The following IQCM variants were observed in gnomAD, a reference collection of about 807,000 sequenced individuals.
IQCM encodes the protein IQ motif containing M.
Under a neutral mutation model 57.6 loss-of-function variants are expected in IQCM, and 45 were observed. The observed-to-expected ratio is 0.78, with a 90% CI of 0.62 to 1.00. The LOEUF (loss-of-function observed/expected upper bound fraction) is 1.00. IQCM is among the 50% of genes least tolerant of loss of function. IQCM has a pLI of 0.00. For missense variants in IQCM, 468 were observed against 511.6 expected, an observed-to-expected ratio of 0.91 and a Z score of 0.82; for synonymous variants, 148 against 158.9, an observed-to-expected ratio of 0.93 and a Z score of 0.51.
At chr4:149,748,637 A>G (rs1287848778) in intron 2 of IQCM, 1 of 152,170 alleles carries the variant, frequency 6.6e-6, no homozygotes, top group Admixed American at 6.5e-5. Flanking sequence ...TGTATAAAAT[A>G]TGATTTGGCA....
chr4:149,383,057 C>T (rs554730403), intron 13 of IQCM, among the ~76,000 whole-genome samples: 1 of 150,908 alleles, frequency 6.6e-6, no homozygotes, highest in African/African-American at 2.4e-5. Context: ...ACAAACATAT[C>T]CCAATGAGAC....
chr4:149,742,859 G>T, intron 2 of IQCM, 120 bp from the exon 3 acceptor site: 2 of 417,178 alleles, frequency 4.8e-6, no homozygotes, highest in East Asian at 3.6e-5. Flanking sequence ...TCATTTCTGT[G>T]CTCTATAACC....
chr4:149,645,878 G>T (rs1013065407), intron 7 of IQCM, among the ~76,000 whole-genome samples: 5 of 152,090 alleles, frequency 3.3e-5, no homozygotes, highest in African/African-American at 1.2e-4. Context: ...GTGGACACCA[G>T]GCATTCCAGG....
intron 7 of IQCM, among the ~76,000 whole-genome samples, chr4:149,661,596 T>G: frequency 6.6e-6 from 1 of 152,168 alleles, no homozygotes; most frequent in East Asian, 1.9e-4. Context: ...TTTTCTTTGA[T>G]GGAAGATTTT....
At chr4:149,368,586 A>ATATATATATATACACGT (rs1469105267) in intron 13 of IQCM, among the ~76,000 whole-genome samples, 1 of 151,442 alleles carries the variant, frequency 6.6e-6, no homozygotes, top group South Asian at 2.1e-4. Flanking sequence ...GCTGTTTCTA[A>ATATATATATATACACGT]GCAAGGACAT....
intron 7 of IQCM, among the ~76,000 whole-genome samples, chr4:149,677,455 G>T (rs905976703): frequency 1.3e-5 from 2 of 151,966 alleles, no homozygotes; most frequent in Admixed American, 6.6e-5. Context: ...GACAAATCTG[G>T]GCTTAAGGTG....
At chr4:149,708,436 G>A (rs192641689) in intron 5 of IQCM, among the ~76,000 whole-genome samples, 1 of 151,568 alleles carries the variant, frequency 6.6e-6, no homozygotes, top group African/African-American at 2.4e-5. Context: ...ATAATTGCAG[G>A]TGCCTAGAAA....
chr4:149,480,649 G>C (rs1164309448), intron 12 of IQCM, among the ~76,000 whole-genome samples: 1 of 151,928 alleles, frequency 6.6e-6, no homozygotes. Context: ...ATTTTCTTTA[G>C]GCATTCATCC....
At chr4:149,393,877 G>T (rs990165109) in intron 13 of IQCM, among the ~76,000 whole-genome samples, 1 of 151,992 alleles carries the variant, frequency 6.6e-6, no homozygotes, top group African/African-American at 2.4e-5. Context: ...CAAGAGGAAA[G>T]TCTGAGATGC....
chr4:149,566,772 C>T (rs987139155), intron 9 of IQCM, among the ~76,000 whole-genome samples: 22 of 151,982 alleles, frequency 1.4e-4, no homozygotes, highest in African/African-American at 4.4e-4. Context: ...TACTATATCT[C>T]TAGATAATTG....
At chr4:149,677,985 G>A (rs565219919) in intron 7 of IQCM, among the ~76,000 whole-genome samples, 1 of 151,256 alleles carries the variant, frequency 6.6e-6, no homozygotes, top group East Asian at 1.9e-4. Context: ...ACATGGAGAA[G>A]AAAAAGAAAA....
chr4:149,468,085 G>T (rs1302727843), intron 12 of IQCM, among the ~76,000 whole-genome samples: 1 of 152,212 alleles, frequency 6.6e-6, no homozygotes, highest in Non-Finnish European at 1.5e-5. Context: ...TGACGCAGAA[G>T]ATGGGTGTTT....
At chr4:149,787,477 A>G (rs1162061807) in intron 2 of IQCM, among the ~76,000 whole-genome samples, 1 of 152,236 alleles carries the variant, frequency 6.6e-6, no homozygotes, top group Non-Finnish European at 1.5e-5. Context: ...TTGTATGTGT[A>G]TAAAAGCAGA....
chr4:149,733,279 C>G lies in IQCM; in HGVS notation c.350G>C (p.Arg117Thr), dbSNP rs1310151610. Residue 117 changes from arginine to threonine, a missense_variant, in exon 5 of 14, where the codon AGA becomes ACA. Arg to Thr is a moderately conservative substitution (Grantham distance 71). Coordinates refer to ENST00000636793, the MANE Select transcript of IQCM (RefSeq NM_001363507.2). ...TAGATCTATGGGCCTGCATCTTTCT[C>G]TTCTACTAAAAATGTGTGGTTCCTT... ...SFKEPHIFSR[R>T]ERCRPIDLIT... 3 of 1,231,764 alleles carry G rather than the reference C, an allele frequency of 2.4e-6. No homozygotes were observed. The highest frequency in any genetic ancestry group is 3.0e-6 in the Non-Finnish European group (3 of 987,698). 76.3% of individuals were successfully genotyped at this position (1,231,764 alleles called of 1,614,324 possible).
intron 12 of IQCM, among the ~76,000 whole-genome samples, chr4:149,517,260 G>A (rs1190018530): frequency 6.6e-6 from 1 of 152,082 alleles, no homozygotes; most frequent in African/African-American, 2.4e-5. Flanking sequence ...TAATTGGCAT[G>A]AATATTTACT....
intron 12 of IQCM, among the ~76,000 whole-genome samples, chr4:149,468,417 G>A (rs1044855460): frequency 3.3e-5 from 5 of 152,182 alleles, no homozygotes; most frequent in South Asian, 2.1e-4. Flanking sequence ...AGGCAGCAGC[G>A]AGGCTGGGGG....
At chr4:149,418,838 G>T (rs1206644353) in intron 13 of IQCM, among the ~76,000 whole-genome samples, 1 of 152,004 alleles carries the variant, frequency 6.6e-6, no homozygotes, top group African/African-American at 2.4e-5. Context: ...AAGCATTCTT[G>T]TACACCAACA....
chr4:149,386,783 T>G (rs1731458356), intron 13 of IQCM, among the ~76,000 whole-genome samples: 1 of 152,018 alleles, frequency 6.6e-6, no homozygotes, highest in African/African-American at 2.4e-5. Context: ...TTCTATAGAA[T>G]GTCCTATATT....
intron 2 of IQCM, among the ~76,000 whole-genome samples, chr4:149,774,278 T>C (rs1490354415): frequency 6.6e-6 from 1 of 152,184 alleles, no homozygotes; most frequent in Non-Finnish European, 1.5e-5. Flanking sequence ...GTATTAAGTA[T>C]ATACACGCTG....
Sources: gnomAD v4.1 joint callset for allele counts (sites outside exome capture counted in the v4.1 genomes callset) on GRCh38, gnomAD v4.1.1 for gene constraint, MANE v1.5 for transcripts, NCBI Gene and HGNC (gene_info 2026-07-23, HGNC 2026-07-21) for gene names.